Variants in TEAD2 observed in about 807,000 individuals in gnomAD.
TEAD2 encodes the protein TEA domain transcription factor 2.
Under a neutral mutation model 61.4 loss-of-function variants are expected in TEAD2, and 51 were observed. The observed-to-expected ratio is 0.83, with a 90% CI of 0.66 to 1.05. TEAD2 has a LOEUF of 1.05. Among genes scored for constraint, TEAD2 ranks in the 50% least tolerant of loss-of-function variants. The pLI, the probability that TEAD2 is intolerant of heterozygous loss-of-function variation, is 0.00. For missense variants in TEAD2, 509 were observed against 600.0 expected (o/e 0.85, Z 1.58); for synonymous variants, 244 against 243.2 (o/e 1.00, Z -0.03).
Position 49,341,427 on chromosome 19 carries a change from T to C in TEAD2, c.1253A>G (p.Asn418Ser), listed in dbSNP as rs1334906637. Residue 418 changes from asparagine to serine, a missense_variant, in exon 13 of 13, where the codon AAC (asparagine) becomes AGC (serine). Physicochemically the swap from Asn to Ser is conservative, Grantham distance 46 (BLOSUM62 1). Coordinates refer to ENST00000593945, the MANE Select transcript of TEAD2 (RefSeq NM_001256660.2). This position sits in a 1 kb window ranked among gnomAD's most constrained non-coding sequence, Gnocchi z 4.2. Reference sequence around the variant, plus strand: ...GAGCAGCAGTTCCTGGGTGTCTCTGTTTGTCACCACCTGCCAGGAAGGCCA... The same window carrying C: ...GAGCAGCAGTTCCTGGGTGTCTCTGCTTGTCACCACCTGCCAGGAAGGCCA... ...ENFTILQVVT[N>S]RDTQELLLCT... is the part of the protein sequence containing the mutation. 1 of 1,613,826 alleles carries C rather than the reference T, an allele frequency of 6.2e-7. No individual in the cohort carries two copies. Among genetic ancestry groups the C allele is most frequent in the Admixed American group, 1.7e-5 (1 of 60,004 alleles).
chr19:49,351,943 G>A (rs560824202), intron 7 of TEAD2, among the ~76,000 whole-genome samples: 80 of 151,802 alleles, frequency 5.3e-4, no homozygotes, highest in African/African-American at 1.7e-3. Context: ...CCGAGATTAC[G>A]CCATTATACT....
In TEAD2 at chr19:49,340,726, G is replaced by T. The variant is rs531412299; in HGVS notation, c.*598C>A. On this transcript the variant is annotated 3_prime_UTR_variant, in exon 13 of 13. Coordinates refer to ENST00000593945, the MANE Select transcript of TEAD2 (RefSeq NM_001256660.2). ...TTAGAAAGTTCAACACACTGCTTGT[G>T]CAGCGGAGATAAAGTCAAGACCCTA... is the stretch of plus-strand genomic sequence containing the variant. 1 of 344,018 alleles carries T rather than the reference G, an allele frequency of 2.9e-6. No individual in the cohort carries two copies. The highest frequency in any genetic ancestry group is 2.9e-5 in the South Asian group (1 of 34,264). The allele number at this position is 344,018 out of a possible 1,614,324, so 21.3% of individuals were successfully genotyped here.
Position 49,342,531 on chromosome 19 carries a change from C to T in TEAD2, c.1149G>A (p.Met383Ile). ...GCAAGAAATTCACCAGGTACTCGCA[C>T]ATGGGCGAGCGCAGCAGGCGGTACA... The part of the protein sequence containing the change: ...RFVYRLLRSP[M>I]CEYLVNFLHK... The change falls in exon 12 of 13, where the codon ATG becomes ATA. Residue 383 changes from methionine (M) to isoleucine (I), a missense_variant. Transcript: ENST00000593945. 1.9e-6 allele frequency: 3 copies of T among 1,614,188 alleles called. No individual in the cohort carries two copies. Among genetic ancestry groups the T allele is most frequent in the East Asian group, 2.2e-5 (1 of 44,890 alleles).
intron 7 of TEAD2, among the ~76,000 whole-genome samples, chr19:49,354,445 A>C (rs1160892473): frequency 6.6e-6 from 1 of 151,506 alleles, no homozygotes; most frequent in Non-Finnish European, 1.5e-5. Flanking sequence ...CTGAGGCTGC[A>C]GTGAGCCATG....
chr19:49,344,290 CT>C (rs1012332596), intron 10 of TEAD2, among the ~76,000 whole-genome samples: 92 of 146,036 alleles, frequency 6.3e-4, no homozygotes, highest in African/African-American at 1.2e-3. Flanking sequence ...TTTTTCTTTT[CT>C]TTTTTTTTTT....
intron 7 of TEAD2, among the ~76,000 whole-genome samples, chr19:49,352,174 T>C (rs1240835921): frequency 6.6e-6 from 1 of 151,954 alleles, no homozygotes; most frequent in Non-Finnish European, 1.5e-5. Flanking sequence ...CCAATAGAAC[T>C]TTCCAGGGAT....
chr19:49,352,478 G>A (rs1244385090), intron 7 of TEAD2, among the ~76,000 whole-genome samples: 7 of 152,168 alleles, frequency 4.6e-5, no homozygotes, highest in Non-Finnish European at 1.5e-5. Flanking sequence ...GGAGGCCAAG[G>A]CAGGAAGATC....
At position 49,340,900 on chromosome 19, in the gene TEAD2, G is replaced by C; in HGVS notation, c.*424C>G. On this transcript the variant is annotated 3_prime_UTR_variant, in exon 13 of 13. Transcript: ENST00000593945. ...GTGGTAGAGAGGGGCAGAAATTTCA[G>C]GGGGAGGGGTGGCTGGGAAAAAGTA... The C allele has an allele frequency of 5.2e-6, 1 of 192,116 alleles. No homozygotes were observed. The allele number at this position is 192,116 out of a possible 1,614,324, so 11.9% of individuals were successfully genotyped here.
In TEAD2 at chr19:49,343,310, T is replaced by C. The variant is rs1428090960; in HGVS notation, c.1010A>G (p.Tyr337Cys). ...GAGGGTCATGTGTTCCAGGCTCTCA[T>C]ACTGGCTGCTCACTCCGTAGAAGCC... ...SGGFYGVSSQ[Y>C]ESLEHMTLTC... is the part of the protein sequence containing the mutation. The change falls in exon 11 of 13, where the codon TAT becomes TGT. Residue 337 changes from tyrosine (Y) to cysteine (C), a missense_variant. By Grantham distance (194) the Tyr-to-Cys change is radical. Coordinates refer to ENST00000593945, the MANE Select transcript of TEAD2 (RefSeq NM_001256660.2). The C allele has an allele frequency of 1.2e-6, 2 of 1,613,930 alleles. No individual in the cohort carries two copies. Among genetic ancestry groups the C allele is most frequent in the Non-Finnish European group, 1.7e-6 (2 of 1,180,028 alleles).
In TEAD2 at chr19:49,355,168, C is replaced by G; in HGVS notation, c.519G>C (p.Gly173=). 3.1e-6 allele frequency: 5 copies of G among 1,610,862 alleles called. No individual in the cohort carries two copies. Among genetic ancestry groups the G allele is most frequent in the Non-Finnish European group, 4.2e-6 (5 of 1,178,438 alleles). The change falls in exon 7 of 13, where the codon GGG becomes GGC. Residue 173 remains glycine (G), a synonymous_variant. Coordinates refer to ENST00000593945, the MANE Select transcript of TEAD2 (RefSeq NM_001256660.2). ...ELFQFWSGGS[G]PPWNVPDVKP... is the part of the protein sequence containing the mutation. ...CTCACTCTGGAACATTCCAGGGGGG[C>G]CCAGATCCTCCAGACCAAAACTGGA...
intron 10 of TEAD2, 21 bp from the exon 11 acceptor site, chr19:49,343,419 G>T (rs1224097745): frequency 6.3e-7 from 1 of 1,589,218 alleles, no homozygotes; most frequent in South Asian, 1.1e-5. Flanking sequence ...GGAAGGCACA[G>T]ATGAGTCAGA....
intron 8 of TEAD2, 142 bp from the exon 9 acceptor site, chr19:49,348,987 C>T: frequency 1.8e-6 from 2 of 1,115,338 alleles, no homozygotes; most frequent in South Asian, 1.8e-5. Context: ...TTAGAAGTGG[C>T]CATGTGACAC....
intron 10 of TEAD2, among the ~76,000 whole-genome samples, chr19:49,344,486 G>A (rs1008333197): frequency 6.6e-6 from 1 of 151,600 alleles, no homozygotes; most frequent in Admixed American, 6.6e-5. Flanking sequence ...TTGTCATGTT[G>A]GCCAGGTTGG....
chr19:49,355,150 T>C lies in TEAD2; in HGVS notation c.537A>G (p.Pro179=), dbSNP rs747719311. ...GAGCCAGGACACATAGTACTCACTCTGGAACATTCCAGGGGGGCCCAGATC... is the reference window on the plus strand; with the variant it reads ...GAGCCAGGACACATAGTACTCACTCCGGAACATTCCAGGGGGGCCCAGATC... ...SGGSGPPWNV[P]DVKPFSQTPF... Residue 179 remains proline (P), a splice_region_variant and synonymous_variant, in exon 7 of 13, where the codon CCA becomes CCG. Coordinates refer to ENST00000593945, the MANE Select transcript of TEAD2 (RefSeq NM_001256660.2). 1.2e-6 allele frequency: 2 copies of C among 1,608,214 alleles called. No individual in the cohort carries two copies. Among genetic ancestry groups the C allele is most frequent in the African/African-American group, 2.7e-5 (2 of 74,816 alleles).
intron 1 of TEAD2, among the ~76,000 whole-genome samples, chr19:49,360,992 G>C (rs1395953438): frequency 1.3e-5 from 1 of 74,486 alleles, no homozygotes; most frequent in Non-Finnish European, 2.4e-5. Flanking sequence ...GAGAGAGGGG[G>C]ACAGAGACCA....
At chr19:49,346,944 G>A (rs30008) in intron 10 of TEAD2, among the ~76,000 whole-genome samples, 36,526 of 152,050 alleles carry the variant, frequency 0.24, 4,552 homozygotes, top group Non-Finnish European at 0.25. Context: ...GTAACTCACC[G>A]TATTAGTTAC....
At position 49,359,899 on chromosome 19, in the gene TEAD2, G is replaced by A. The variant is rs758795063; in HGVS notation, c.177C>T (p.Ile59=). The A allele has an allele frequency of 1.1e-5, 18 of 1,613,480 alleles. No individual in the cohort carries two copies. Among genetic ancestry groups the A allele is most frequent in the Non-Finnish European group, 1.4e-5 (16 of 1,180,038 alleles). Residue 59 remains isoleucine, a synonymous_variant, in exon 2 of 13, where the codon ATC becomes ATT. Transcript: ENST00000593945. This position sits in a 1 kb window ranked among gnomAD's most constrained non-coding sequence, Gnocchi z 4.1. ...TTTTCCGGCGGCCGCAGGGTGGATA[G>A]ATGGCCAGGGCCTCCTGGAAGCTCT... ...IEQSFQEALA[I]YPPCGRRKII... is the part of the protein sequence containing the mutation.
At chr19:49,342,271 C>A (rs1227123903) in intron 12 of TEAD2, among the ~76,000 whole-genome samples, 167 bp downstream of exon 12, 3 of 151,754 alleles carry the variant, frequency 2.0e-5, no homozygotes, top group African/African-American at 4.8e-5. Flanking sequence ...ATGGTGGGGT[C>A]CCCGCTGCAT....
chr19:49,357,817 G>A, intron 3 of TEAD2: 1 of 168,702 alleles, frequency 5.9e-6, no homozygotes, highest in Non-Finnish European at 1.3e-5. Flanking sequence ...GGTTGTTTAG[G>A]CCAGGTGTGG....
Sources: gnomAD v4.1 joint callset for allele counts (sites outside exome capture counted in the v4.1 genomes callset) on GRCh38, gnomAD v4.1.1 for gene constraint, Gnocchi (gnomAD v3.1) non-coding constraint, MANE v1.5 for transcripts, NCBI Gene and HGNC (gene_info 2026-07-23, HGNC 2026-07-21) for gene names.